The following FAM83F variants were observed in gnomAD, a reference collection of about 807,000 sequenced individuals.
FAM83F encodes the protein protein FAM83F.
A neutral mutation model predicts 42.9 loss-of-function variants in FAM83F; 45 were observed. The observed-to-expected ratio is 1.05, with a 90% CI of 0.83 to 1.35. The LOEUF is 1.35. Among genes scored for constraint, FAM83F ranks in the 40% most tolerant of loss-of-function variants. The pLI is 0.00. For missense variants in FAM83F, 617 were observed against 695.9 expected (o/e 0.89, Z 1.28); for synonymous variants, 306 against 298.3 (o/e 1.03, Z -0.27).
chr22:40,016,267 A>G (rs1476152495), intron 1 of FAM83F, among the ~76,000 whole-genome samples: 6 of 152,116 alleles, frequency 3.9e-5, no homozygotes, highest in African/African-American at 7.2e-5. Context: ...CAGTAGTGCT[A>G]TCATGGCTCA....
chr22:40,021,667 C>G lies in FAM83F; in HGVS notation c.1157C>G (p.Pro386Arg). The change falls in exon 4 of 5, where the codon CCC becomes CGC. Residue 386 changes from proline to arginine, a missense_variant. Coordinates refer to ENST00000333407, the MANE Select transcript of FAM83F (RefSeq NM_138435.4). The surrounding 1 kb of genome is among the most constrained non-coding windows in gnomAD (Gnocchi z 8.7). ...KDLVTVEQVL[P>R]PVEPIPLGEL... ...CTGGTTACGGTGGAGCAGGTGCTGC[C>G]CCCCGTGGAGCCCATCCCCTTGGGA... 6.2e-7 allele frequency: 1 copy of G among 1,610,178 alleles called. No homozygotes were observed. Among genetic ancestry groups the G allele is most frequent in the Non-Finnish European group, 8.5e-7 (1 of 1,177,476 alleles).
intron 1 of FAM83F, among the ~76,000 whole-genome samples, chr22:40,004,405 C>A (rs947457823): frequency 1.3e-5 from 2 of 151,936 alleles, no homozygotes; most frequent in East Asian, 1.9e-4. Flanking sequence ...TGGGTTCAAG[C>A]GATTCTTCCG....
At chr22:40,010,616 C>A (rs958490761) in intron 1 of FAM83F, among the ~76,000 whole-genome samples, 1 of 152,206 alleles carries the variant, frequency 6.6e-6, no homozygotes, top group African/African-American at 2.4e-5. Context: ...AATTTTTCAA[C>A]CACAAAGCAA....
At chr22:40,002,173 T>C (rs1251201424) in intron 1 of FAM83F, among the ~76,000 whole-genome samples, 2 of 152,162 alleles carry the variant, frequency 1.3e-5, no homozygotes, top group Non-Finnish European at 2.9e-5. Context: ...CCCCTGAGGA[T>C]GTTCCCCACA....
chr22:39,999,311 C>T lies in FAM83F; in HGVS notation c.489+3780C>T, dbSNP rs564721865. 7.2e-5 allele frequency among the ~76,000 whole-genome samples: 11 copies of T among 152,318 alleles called. No homozygotes were observed. The South Asian group carries it at 1.5e-3, about 20-fold the overall frequency. ...GGCACGAAGCTGTCCACCCATCTTG[C>T]GCCCAGGCTCCCTTGTGACCAGCGG... On this transcript the variant is annotated intron_variant, in intron 1 of 4. Transcript: ENST00000333407.
At chr22:40,017,293 A>G (rs1448852407) in intron 1 of FAM83F, among the ~76,000 whole-genome samples, 5 of 150,160 alleles carry the variant, frequency 3.3e-5, no homozygotes, top group African/African-American at 1.2e-4. Context: ...CAATGGTACA[A>G]TCTCGGCTCA....
At chr22:40,007,406 TC>T (rs2067437286) in intron 1 of FAM83F, among the ~76,000 whole-genome samples, 1 of 45,742 alleles carries the variant, frequency 2.2e-5, no homozygotes, top group African/African-American at 1.1e-4. Context: ...CTCCTCCTCC[TC>T]TTCCTCCTGT....
chr22:40,019,256 A>G lies in FAM83F; in HGVS notation c.578A>G (p.Tyr193Cys). ...GCCTGTAAGCGCCGGGTCCCAGTGTACATCATCCTGGACGAGGCAGGAGTG... is the reference window on the plus strand; with the variant it reads ...GCCTGTAAGCGCCGGGTCCCAGTGTGCATCATCCTGGACGAGGCAGGAGTG... Reference protein sequence around the residue: ...DAACKRRVPVYIILDEAGVKY... With the variant: ...DAACKRRVPVCIILDEAGVKY... The change falls in exon 2 of 5, where the codon TAC becomes TGC. Residue 193 changes from tyrosine (Y) to cysteine (C), a missense_variant. Physicochemically the swap from Tyr to Cys is radical, Grantham distance 194. Coordinates refer to ENST00000333407, the MANE Select transcript of FAM83F (RefSeq NM_138435.4). 1 of 1,614,188 alleles carries G rather than the reference A, an allele frequency of 6.2e-7. No individual in the cohort carries two copies. The highest frequency in any genetic ancestry group is 8.5e-7 in the Non-Finnish European group (1 of 1,180,032).
chr22:40,012,918 A>G (rs2067474061), intron 1 of FAM83F, among the ~76,000 whole-genome samples: 1 of 127,946 alleles, frequency 7.8e-6, no homozygotes, highest in Non-Finnish European at 1.6e-5. Context: ...CTAAAAATAC[A>G]AAAAAAAAAA....
chr22:40,015,725 C>T (rs1460417191), intron 1 of FAM83F, among the ~76,000 whole-genome samples: 3 of 152,174 alleles, frequency 2.0e-5, no homozygotes, highest in Non-Finnish European at 4.4e-5. Flanking sequence ...AAGTCTTATC[C>T]TCCCCTGGCT....
chr22:39,996,891 G>A (rs1422369511), intron 1 of FAM83F, among the ~76,000 whole-genome samples: 2 of 152,192 alleles, frequency 1.3e-5, no homozygotes, highest in Non-Finnish European at 2.9e-5. Flanking sequence ...ACACAGAAGA[G>A]GGAAAAAGGA....
rs2067584320 is a variant in FAM83F, at chr22:40,031,130, G to A, written c.*1565G>A. 1 of 152,192 alleles carries A rather than the reference G, an allele frequency of 6.6e-6. No individual in the cohort carries two copies. Among genetic ancestry groups the A allele is most frequent in the Admixed American group, 6.5e-5 (1 of 15,282 alleles). The allele number at this position is 152,192 out of a possible 1,614,324, so 9.4% of individuals were successfully genotyped here. ...GCTGGCTTCTAGGGCGTGTGGAGAA[G>A]GGACTCTGGCCCACCTCCCTGAGCT... On this transcript the variant is annotated 3_prime_UTR_variant, in exon 5 of 5. Coordinates refer to ENST00000333407, the MANE Select transcript of FAM83F (RefSeq NM_138435.4).
chr22:40,020,331 TGTG>T (rs908517842), intron 3 of FAM83F, among the ~76,000 whole-genome samples: 3 of 150,332 alleles, frequency 2.0e-5, no homozygotes, highest in Non-Finnish European at 4.4e-5. Flanking sequence ...AACGGGAAGG[TGTG>T]GTGTGCAGGG....
At chr22:40,026,068 G>A (rs1370428818) in intron 4 of FAM83F, among the ~76,000 whole-genome samples, 1 of 152,188 alleles carries the variant, frequency 6.6e-6, no homozygotes, top group Admixed American at 6.5e-5. Flanking sequence ...CCTGATGACA[G>A]CATCTCACAA....
Position 40,033,707 on chromosome 22 carries a change from A to C in FAM83F, c.*4142A>C, listed in dbSNP as rs1410153956. 1.3e-5 allele frequency: 2 copies of C among 152,154 alleles called. No homozygotes were observed. Among genetic ancestry groups the C allele is most frequent in the Non-Finnish European group, 2.9e-5 (2 of 68,038 alleles). 9.4% of individuals were successfully genotyped at this position (152,154 alleles called of 1,614,324 possible). On this transcript the variant is annotated 3_prime_UTR_variant, in exon 5 of 5. Coordinates refer to ENST00000333407, the MANE Select transcript of FAM83F (RefSeq NM_138435.4). ...TGAGAGCACTGGCTCTTTTCTTCAC[A>C]GTCCTGACCTGGTGGCCTGCACAGG...
In FAM83F at chr22:39,995,067, C is replaced by T; in HGVS notation, c.25C>T (p.Leu9=). 2.2e-6 allele frequency: 3 copies of T among 1,341,922 alleles called. No individual in the cohort carries two copies. The highest frequency in any genetic ancestry group is 2.8e-6 in the Non-Finnish European group (3 of 1,053,892). 83.1% of individuals were successfully genotyped at this position (1,341,922 alleles called of 1,614,324 possible). The change falls in exon 1 of 5, where the codon CTG becomes TTG. Residue 9 remains leucine, a synonymous_variant. Coordinates refer to ENST00000333407, the MANE Select transcript of FAM83F (RefSeq NM_138435.4). This position sits in a 1 kb window ranked among gnomAD's most constrained non-coding sequence, Gnocchi z 4.6. The stretch of plus-strand genomic sequence containing the variant: ...CATGGCCGAGTCCCAGCTGAACTGC[C>T]TGGACGAGGCGCACGTGAACGAGAA... The part of the protein sequence containing the change: MAESQLNC[L]DEAHVNEKVT...
intron 4 of FAM83F, among the ~76,000 whole-genome samples, chr22:40,027,010 A>G (rs1251325727): frequency 3.3e-5 from 5 of 152,130 alleles, no homozygotes; most frequent in East Asian, 1.9e-4. Flanking sequence ...ATATGTGTCT[A>G]CGAAGTGTCT....
Position 40,034,603 on chromosome 22 carries a change from T to C in FAM83F, c.*5038T>C, listed in dbSNP as rs2146250334. The C allele has an allele frequency of 6.6e-6, 1 of 152,382 alleles. No homozygotes were observed. The highest frequency in any genetic ancestry group is 2.1e-4 in the South Asian group (1 of 4,830). 9.4% of individuals were successfully genotyped at this position (152,382 alleles called of 1,614,324 possible). ...GGGTTCCTGAGCCTGGAGAGCGGGC[T>C]TTGTGAGCACTGGTGCCTCACCTGC... On this transcript the variant is annotated 3_prime_UTR_variant, in exon 5 of 5. Transcript: ENST00000333407.
In FAM83F at chr22:40,017,149, C is replaced by G. The variant is rs766433843; in HGVS notation, c.490-2019C>G. Among the ~76,000 whole-genome samples, 133 of 151,560 alleles carry G rather than the reference C, an allele frequency of 8.8e-4. 1 individual carries two copies. The highest frequency in any genetic ancestry group is 1.5e-3 in the Non-Finnish European group (100 of 67,976). On this transcript the variant is annotated intron_variant, in intron 1 of 4. Transcript: ENST00000333407. ...AGAGTCAGGGTGATGGCAGAGCACACATGTGAAGGTGGTGACACCCCCGTG... is the reference window on the plus strand; with the variant it reads ...AGAGTCAGGGTGATGGCAGAGCACAGATGTGAAGGTGGTGACACCCCCGTG...
Sources: allele counts gnomAD v4.1 joint callset (sites outside exome capture counted in the v4.1 genomes callset), GRCh38; gene constraint gnomAD v4.1.1; non-coding constraint Gnocchi (gnomAD v3.1); transcripts MANE v1.5; gene names NCBI Gene and HGNC (gene_info 2026-07-23, HGNC 2026-07-21).